The following RNPS1 variants were observed in gnomAD, a reference collection of about 807,000 sequenced individuals.
The protein encoded by RNPS1 is RNA binding protein with serine rich domain 1.
For synonymous variants in RNPS1, 147 were observed against 150.0 expected (o/e 0.98, Z 0.15); for missense variants, 300 against 427.6 (o/e 0.70, Z 2.63).
chr16:2,262,190 G>A, intron 6 of RNPS1, 88 bp downstream of exon 6: 1 of 1,339,570 alleles, frequency 7.5e-7, no homozygotes, highest in Non-Finnish European at 1.0e-6. Flanking sequence ...CAAACAAAAA[G>A]AAGTGCAGCC....
intron 3 of RNPS1, 114 bp downstream of exon 3, chr16:2,264,062 C>A: frequency 1.5e-6 from 2 of 1,302,582 alleles, no homozygotes; most frequent in Non-Finnish European, 2.1e-6. Context: ...TCTCTACTAA[C>A]AATCAGAGGA....
Position 2,262,771 on chromosome 16 carries a change from T to C in RNPS1, c.491A>G (p.His164Arg). ...RSPSPKPTKVHIGRLTRNVTK... is the reference protein window; with the variant it reads ...RSPSPKPTKVRIGRLTRNVTK... ...CACATTCCGGGTGAGTCTCCCAATGTGCACTTTGGTGGGCTTAGGAGATGG... is the reference window on the plus strand; with the variant it reads ...CACATTCCGGGTGAGTCTCCCAATGCGCACTTTGGTGGGCTTAGGAGATGG... The change falls in exon 5 of 8, where the codon CAC becomes CGC. Residue 164 changes from histidine to arginine, a missense_variant. His to Arg is a conservative substitution (Grantham distance 29). Coordinates refer to ENST00000320225, the MANE Select transcript of RNPS1 (RefSeq NM_080594.4). The C allele has an allele frequency of 6.2e-7, 1 of 1,613,408 alleles. No individual in the cohort carries two copies. Among genetic ancestry groups the C allele is most frequent in the Admixed American group, 1.7e-5 (1 of 60,036 alleles).
Position 2,262,486 on chromosome 16 carries a change from C to T in RNPS1, c.523-55G>A, listed in dbSNP as rs950472680. On this transcript the variant is annotated intron_variant, in intron 5 of 7. Coordinates refer to ENST00000320225, the MANE Select transcript of RNPS1 (RefSeq NM_080594.4). ...CCAGCTACCAGTCAGTCACGTCAGA[C>T]GCAGAGAGCTCAGCACATCATGACT... 6.6e-5 allele frequency: 105 copies of T among 1,590,284 alleles called. 2 individuals are homozygous for T. The East Asian group carries it at 1.9e-3, about 28-fold the overall frequency.
At position 2,253,224 on chromosome 16, in the gene RNPS1, G is replaced by A. The variant is rs1487020372; in HGVS notation, c.*740C>T. 2 of 152,450 alleles carry A rather than the reference G, an allele frequency of 1.3e-5. No individual in the cohort carries two copies. The highest frequency in any genetic ancestry group is 4.8e-5 in the African/African-American group (2 of 41,386). The allele number at this position is 152,450 out of a possible 1,614,324, so 9.4% of individuals were successfully genotyped here. A position where few individuals can be genotyped will look rare whatever the true frequency, so the allele number is the denominator to read the frequency against. ...TGCTACAAAGGTATAAAACTCAAAA[G>A]AGAAATTTTATAGTACTGACTGTAC... On this transcript the variant is annotated 3_prime_UTR_variant, in exon 8 of 8. Coordinates refer to ENST00000320225, the MANE Select transcript of RNPS1 (RefSeq NM_080594.4).
At position 2,262,342 on chromosome 16, in the gene RNPS1, G is replaced by C; in HGVS notation, c.612C>G (p.Gly204=). The C allele has an allele frequency of 6.2e-7, 1 of 1,614,112 alleles. No homozygotes were observed. Among genetic ancestry groups the C allele is most frequent in the Non-Finnish European group, 8.5e-7 (1 of 1,180,008 alleles). ...GATTCTCAAACTCTACGTACGCATA[G>C]CCTTTGGACAGATGGGGATGCATCC... The part of the protein sequence containing the change: ...VERMHPHLSK[G]YAYVEFENPD... The change falls in exon 6 of 8, where the codon GGC becomes GGG. Residue 204 remains glycine (G), a synonymous_variant. Transcript: ENST00000320225.
rs780026324 is a variant in RNPS1 at position 2,262,375 on chromosome 16, G to C, written c.579C>G (p.Pro193=). Residue 193 remains proline, a synonymous_variant, in exon 6 of 8, where the codon CCC becomes CCG. Transcript: ENST00000320225. ...TYGKIKMIDM[P]VERMHPHLSK... Reference sequence around the variant, plus strand: ...ACAGATGGGGATGCATCCTTTCCACGGGCATGTCAATCATTTTAATTTTCC... The same window carrying C: ...ACAGATGGGGATGCATCCTTTCCACCGGCATGTCAATCATTTTAATTTTCC... 5 of 1,613,784 alleles carry C rather than the reference G, an allele frequency of 3.1e-6. No homozygotes were observed. The South Asian group carries it at 3.3e-5, about 11-fold the overall frequency.
chr16:2,264,104 G>C (rs1009163530), intron 3 of RNPS1, 72 bp downstream of exon 3: 68 of 1,548,180 alleles, frequency 4.4e-5, no homozygotes, highest in South Asian at 1.2e-4. Context: ...CAAGAAAACC[G>C]AGCCATCTGT....
Position 2,266,219 on chromosome 16 carries a change from G to A in RNPS1, c.-117-1459C>T, listed in dbSNP as rs976863879. 3 of 985,324 alleles carry A rather than the reference G, an allele frequency of 3.0e-6. No individual in the cohort carries two copies. The African/African-American group carries it at 5.2e-5, about 17-fold the overall frequency. The allele number at this position is 985,324 out of a possible 1,614,324, so 61.0% of individuals were successfully genotyped here. A position where few individuals can be genotyped will look rare whatever the true frequency, so the allele number is the denominator to read the frequency against. ...CAAAATGCTGCTGAAAATACGTTCT[G>A]ACCCAAGAAAGAAAAGCACCTGGCT... On this transcript the variant is annotated intron_variant, in intron 1 of 7. Transcript: ENST00000320225.
chr16:2,254,129 G>A lies in RNPS1; in HGVS notation c.819-66C>T, dbSNP rs150301204. 3 of 1,157,096 alleles carry A rather than the reference G, an allele frequency of 2.6e-6. No homozygotes were observed. In the East Asian group the frequency reaches 8.4e-5, roughly 33 times the overall value. 71.7% of individuals were successfully genotyped at this position (1,157,096 alleles called of 1,614,324 possible). On this transcript the variant is annotated intron_variant, in intron 7 of 7. Coordinates refer to ENST00000320225, the MANE Select transcript of RNPS1 (RefSeq NM_080594.4). Reference sequence around the variant, plus strand: ...GTAGGGGCAAGCTAGCTTCTTTCTGGGCAATTCCCCATAGTTTTACTTTTT... The same window carrying A: ...GTAGGGGCAAGCTAGCTTCTTTCTGAGCAATTCCCCATAGTTTTACTTTTT...
chr16:2,268,076 C>A lies in RNPS1; in HGVS notation c.-139G>T. On this transcript the variant is annotated 5_prime_UTR_variant, in exon 1 of 8. Transcript: ENST00000320225. ...TTACATCTTCCCGCCGCCGCCACCT[C>A]CTCCTGCTTTCCTCAGCCGCCGAGG... 6.5e-7 allele frequency: 1 copy of A among 1,535,442 alleles called. No individual in the cohort carries two copies. Among genetic ancestry groups the A allele is most frequent in the Non-Finnish European group, 8.7e-7 (1 of 1,146,678 alleles).
At chr16:2,267,432 A>T (rs893150446) in intron 1 of RNPS1, 3 of 974,304 alleles carry the variant, frequency 3.1e-6, no homozygotes, top group Admixed American at 1.2e-4. Context: ...GGGGTAACCC[A>T]TCAAACTGAG....
rs1180054360 is a variant in RNPS1 at position 2,253,721 on chromosome 16, G to A, written c.*243C>T. 8.0e-6 allele frequency: 5 copies of A among 625,816 alleles called. No individual in the cohort carries two copies. The Admixed American group carries it at 1.3e-4, about 16-fold the overall frequency. The allele number at this position is 625,816 out of a possible 1,614,324, so 38.8% of individuals were successfully genotyped here. Reference sequence around the variant, plus strand: ...GGCTCTGCCACTGAACTGACTCTTAGAAACCGGAAACGGATGAGCTTTCTA... The same window carrying A: ...GGCTCTGCCACTGAACTGACTCTTAAAAACCGGAAACGGATGAGCTTTCTA... On this transcript the variant is annotated 3_prime_UTR_variant, in exon 8 of 8. Transcript: ENST00000320225.
At chr16:2,255,915 C>T (rs1329268812) in intron 6 of RNPS1, 189 bp from the exon 7 acceptor site, 3 of 613,548 alleles carry the variant, frequency 4.9e-6, no homozygotes, top group East Asian at 5.9e-5. Flanking sequence ...ATCACGAGGT[C>T]AGGAGATCGA....
chr16:2,260,818 T>C (rs934185459), intron 6 of RNPS1, among the ~76,000 whole-genome samples: 1 of 152,198 alleles, frequency 6.6e-6, no homozygotes, highest in Non-Finnish European at 1.5e-5. Context: ...TGTCTTTTAA[T>C]AAAAATGGGA....
intron 6 of RNPS1, 176 bp downstream of exon 6, chr16:2,262,102 G>A: frequency 3.8e-6 from 2 of 522,674 alleles, no homozygotes; most frequent in Non-Finnish European, 6.6e-6. Flanking sequence ...TGGGCCATGA[G>A]AAATAGCAGC....
Position 2,264,771 on chromosome 16 carries a change from G to T in RNPS1, c.-117-11C>A. 6.6e-7 allele frequency: 1 copy of T among 1,514,120 alleles called. No individual in the cohort carries two copies. The highest frequency in any genetic ancestry group is 8.8e-7 in the Non-Finnish European group (1 of 1,139,040). 93.8% of individuals were successfully genotyped at this position (1,514,120 alleles called of 1,614,324 possible). ...ACGCCAAAGAGCAGCCTAATAACAA[G>T]ATAAAAGGGTTTAAAGAGTGAACGA... On this transcript the variant is annotated splice_polypyrimidine_tract_variant and intron_variant, in intron 1 of 7. Transcript: ENST00000320225.
Position 2,263,083 on chromosome 16 carries a change from G to T in RNPS1, c.419+13C>A. On this transcript the variant is annotated intron_variant, in intron 4 of 7. Transcript: ENST00000320225. ...AGCTTGTAAACTTTAGCTCCCAGGC[G>T]CAGGGCACTCACTTGGAGCGGGAGC... is the stretch of plus-strand genomic sequence containing the variant. The T allele has an allele frequency of 6.2e-7, 1 of 1,610,596 alleles. No individual in the cohort carries two copies. The highest frequency in any genetic ancestry group is 8.5e-7 in the Non-Finnish European group (1 of 1,178,636).
chr16:2,266,177 G>A, intron 1 of RNPS1: 1 of 985,466 alleles, frequency 1.0e-6, no homozygotes, highest in Non-Finnish European at 1.2e-6. Flanking sequence ...CCTGTGCAGT[G>A]CACGCCAGGG....
Position 2,262,770 on chromosome 16 carries a change from G to A in RNPS1, c.492C>T (p.His164=). 1 of 1,613,344 alleles carries A rather than the reference G, an allele frequency of 6.2e-7. No homozygotes were observed. Among genetic ancestry groups the A allele is most frequent in the Non-Finnish European group, 8.5e-7 (1 of 1,179,986 alleles). The part of the protein sequence containing the change: ...RSPSPKPTKV[H]IGRLTRNVTK... ...TCACATTCCGGGTGAGTCTCCCAATGTGCACTTTGGTGGGCTTAGGAGATG... is the reference window on the plus strand; with the variant it reads ...TCACATTCCGGGTGAGTCTCCCAATATGCACTTTGGTGGGCTTAGGAGATG... The change falls in exon 5 of 8, where the codon CAC becomes CAT. Residue 164 remains histidine (H), a synonymous_variant. Transcript: ENST00000320225.
Sources: allele counts gnomAD v4.1 joint callset (sites outside exome capture counted in the v4.1 genomes callset), GRCh38; gene constraint gnomAD v4.1.1; transcripts MANE v1.5; gene names NCBI Gene and HGNC (gene_info 2026-07-23, HGNC 2026-07-21).